Variants in ROCK1 observed in about 807,000 individuals in gnomAD.
ROCK1 encodes the protein Rho associated coiled-coil containing protein kinase 1, also known as rho-associated protein kinase 1.
Under a neutral mutation model 196.8 loss-of-function variants are expected in ROCK1, and 36 were observed. That is an observed-to-expected ratio of 0.18 (90% CI 0.14 to 0.24). ROCK1 has a LOEUF of 0.24. Ranked by LOEUF, ROCK1 falls within the 10% of genes least tolerant of loss-of-function variation. The pLI is 1.00. For synonymous variants in ROCK1, 443 were observed against 515.9 expected (o/e 0.86, Z 1.91); for missense variants, 920 against 1,562.0 (o/e 0.59, Z 6.93).
intron 6 of ROCK1, among the ~76,000 whole-genome samples, chr18:21,043,535 T>G (rs1284364011): frequency 1.4e-5 from 2 of 141,770 alleles, no homozygotes; most frequent in African/African-American, 2.9e-5. Context: ...AATAACATAT[T>G]TATTTATGTT....
At position 20,950,811 on chromosome 18, in the gene ROCK1, T is replaced by C. The variant is rs1209671129; in HGVS notation, c.*573A>G. The C allele has an allele frequency of 6.6e-5, 10 of 152,618 alleles. No homozygotes were observed. Among genetic ancestry groups the C allele is most frequent in the Admixed American group, 6.5e-4 (10 of 15,270 alleles). The allele number at this position is 152,618 out of a possible 1,614,324, so 9.5% of individuals were successfully genotyped here. On this transcript the variant is annotated 3_prime_UTR_variant, in exon 33 of 33. Coordinates refer to ENST00000399799, the MANE Select transcript of ROCK1 (RefSeq NM_005406.3). ...TTTAATTTCTCCATCAAGTCCAACATGGGCAATCAACAGTAAGGCTTTTAA... is the reference window on the plus strand; with the variant it reads ...TTTAATTTCTCCATCAAGTCCAACACGGGCAATCAACAGTAAGGCTTTTAA...
At chr18:21,024,038 CAAAT>C (rs1325374308) in intron 10 of ROCK1, among the ~76,000 whole-genome samples, 3 of 152,132 alleles carry the variant, frequency 2.0e-5, no homozygotes, top group Non-Finnish European at 4.4e-5. Context: ...TTCCACCAAA[CAAAT>C]AACTTAAAAA....
chr18:21,108,774 T>C (rs2036724710), intron 1 of ROCK1, among the ~76,000 whole-genome samples: 1 of 152,176 alleles, frequency 6.6e-6, no homozygotes, highest in South Asian at 2.1e-4. Flanking sequence ...TCTCACTGTC[T>C]CTCCAATCTT....
chr18:21,067,463 T>G (rs1255235858), intron 2 of ROCK1, among the ~76,000 whole-genome samples: 1 of 150,160 alleles, frequency 6.7e-6, no homozygotes, highest in Admixed American at 6.7e-5. Context: ...CTTGGCTCAC[T>G]GCAACCTCCA....
Position 21,006,699 on chromosome 18 carries a change from C to A in ROCK1, c.1638G>T (p.Gln546His). The change falls in exon 15 of 33, where the codon CAG (glutamine) becomes CAT (histidine). Residue 546 changes from glutamine (Q) to histidine (H), a missense_variant and splice_region_variant. This residue lies in a region of ROCK1 where 520 missense variants were observed against 657.1 expected (regional missense o/e 0.79). Coordinates refer to ENST00000399799, the MANE Select transcript of ROCK1 (RefSeq NM_005406.3). ...ANEKLSQLQK[Q>H]LEEANDLLRT... is the part of the protein sequence containing the mutation. ...AAGGAACCTCATTTGAAACACTTAC[C>A]TGCTTTTGTAACTGGGACAGCTTCT... 6.3e-7 allele frequency: 1 copy of A among 1,597,474 alleles called. No individual in the cohort carries two copies. Among genetic ancestry groups the A allele is most frequent in the Non-Finnish European group, 8.5e-7 (1 of 1,175,520 alleles).
At chr18:21,070,487 T>C (rs372230304) in intron 2 of ROCK1, 45 bp downstream of exon 2, 322 of 989,972 alleles carry the variant, frequency 3.3e-4, no homozygotes, top group South Asian at 5.7e-4. Flanking sequence ...AGTGAAAATG[T>C]AGTTATATGA....
At chr18:20,966,521 T>C (rs2035375671) in intron 27 of ROCK1, among the ~76,000 whole-genome samples, 1 of 152,210 alleles carries the variant, frequency 6.6e-6, no homozygotes, top group Non-Finnish European at 1.5e-5. Flanking sequence ...GATGATAAAG[T>C]ACAGTTCTTA....
intron 4 of ROCK1, among the ~76,000 whole-genome samples, chr18:21,048,604 C>A (rs1189881166): frequency 1.3e-5 from 2 of 151,994 alleles, no homozygotes; most frequent in African/African-American, 4.8e-5. Context: ...GGCTGGAGTG[C>A]AGTGATGTGA....
At position 20,984,476 on chromosome 18, in the gene ROCK1, A is replaced by G. The variant is rs780552256; in HGVS notation, c.2364T>C (p.Asn788=). Residue 788 remains asparagine (N), a synonymous_variant, in exon 20 of 33, where the codon AAT becomes AAC. Coordinates refer to ENST00000399799, the MANE Select transcript of ROCK1 (RefSeq NM_005406.3). ...CCTCAAATGCTTGAGTCTTCAATTC[A>G]TTTTGTAACAACAGCCGCTTATTTG... The part of the protein sequence containing the change: ...QESNKRLLLQ[N]ELKTQAFEAD... 1 of 1,613,396 alleles carries G rather than the reference A, an allele frequency of 6.2e-7. No homozygotes were observed. Among genetic ancestry groups the G allele is most frequent in the Non-Finnish European group, 8.5e-7 (1 of 1,179,868 alleles).
At chr18:21,026,787 A>G (rs1423409112) in intron 10 of ROCK1, among the ~76,000 whole-genome samples, 2 of 152,190 alleles carry the variant, frequency 1.3e-5, no homozygotes, top group African/African-American at 4.8e-5. Flanking sequence ...CAAGCCAATC[A>G]GTTATCTGAT....
chr18:21,070,959 A>G (rs1336120017), intron 1 of ROCK1, among the ~76,000 whole-genome samples: 2 of 152,152 alleles, frequency 1.3e-5, no homozygotes, highest in African/African-American at 4.8e-5. Context: ...GACATCAAAA[A>G]CCTACATTTG....
At chr18:21,096,203 A>T (rs983271595) in intron 1 of ROCK1, among the ~76,000 whole-genome samples, 13 of 145,592 alleles carry the variant, frequency 8.9e-5, no homozygotes, top group African/African-American at 3.3e-4. Context: ...TTGTCTACGA[A>T]TTTTTTTTTT....
chr18:21,010,704 T>C (rs1372166968), intron 13 of ROCK1, among the ~76,000 whole-genome samples: 3 of 152,230 alleles, frequency 2.0e-5, no homozygotes, highest in African/African-American at 7.2e-5. Flanking sequence ...CAGAGGGTTC[T>C]GTAAATGTTG....
chr18:21,092,596 A>AAAAAAAAAAC (rs2036580569), intron 1 of ROCK1, among the ~76,000 whole-genome samples: 1 of 151,718 alleles, frequency 6.6e-6, no homozygotes, highest in Non-Finnish European at 1.5e-5. Flanking sequence ...AAAAAAAAAA[A>AAAAAAAAAAC]AAAAAAAACC....
chr18:21,022,519 A>G (rs1182433276), intron 11 of ROCK1, among the ~76,000 whole-genome samples: 1 of 152,130 alleles, frequency 6.6e-6, no homozygotes. Context: ...CTGTAGCCCT[A>G]TGATTTTAAG....
chr18:21,029,364 C>T (rs1040577820), intron 9 of ROCK1, among the ~76,000 whole-genome samples: 3 of 152,096 alleles, frequency 2.0e-5, no homozygotes, highest in African/African-American at 7.2e-5. Context: ...GTATAGTAAA[C>T]CAGAAATTAA....
chr18:21,075,184 A>G (rs769326589), intron 1 of ROCK1, among the ~76,000 whole-genome samples: 44 of 152,200 alleles, frequency 2.9e-4, no homozygotes, highest in Admixed American at 2.0e-4. Flanking sequence ...TGATAAATTA[A>G]AAGTAGAAGA....
chr18:21,040,481 T>C (rs1049745864), intron 8 of ROCK1, among the ~76,000 whole-genome samples: 5 of 152,212 alleles, frequency 3.3e-5, no homozygotes, highest in Non-Finnish European at 5.9e-5. Context: ...TTTAGCTGAA[T>C]TGGAAAAAGA....
intron 22 of ROCK1, among the ~76,000 whole-genome samples, chr18:20,970,820 C>T (rs1479150036): frequency 6.6e-6 from 1 of 152,144 alleles, no homozygotes; most frequent in Non-Finnish European, 1.5e-5. Flanking sequence ...TGGAAGGCAG[C>T]GTGGCATAGT....
Sources: allele counts gnomAD v4.1 joint callset (sites outside exome capture counted in the v4.1 genomes callset), GRCh38; gene constraint gnomAD v4.1.1; regional missense constraint gnomAD v4.1.1; transcripts MANE v1.5; gene names NCBI Gene and HGNC (gene_info 2026-07-23, HGNC 2026-07-21).